The following PIP5K1B variants were observed in gnomAD, a reference collection of about 807,000 sequenced individuals.
PIP5K1B encodes phosphatidylinositol 4-phosphate 5-kinase type-1 beta.
Under a neutral mutation model 67.0 loss-of-function variants are expected in PIP5K1B, and 42 were observed. The ratio of observed to expected loss-of-function variants is 0.63; its 90% CI spans 0.49 to 0.81. PIP5K1B has a LOEUF of 0.81. Among genes scored for constraint, PIP5K1B ranks in the 30% least tolerant of loss-of-function variants. The probability of loss-of-function intolerance (pLI) is 0.00; values close to 1 mark genes in which losing one functional copy is unlikely to be tolerated. For synonymous variants in PIP5K1B, 214 were observed against 231.4 expected (o/e 0.92, Z 0.68); for missense variants, 459 against 646.3 (o/e 0.71, Z 3.14).
intron 14 of PIP5K1B, among the ~76,000 whole-genome samples, chr9:68,990,148 CT>C (rs1380097510): frequency 6.6e-6 from 1 of 152,220 alleles, no homozygotes; most frequent in Non-Finnish European, 1.5e-5. Flanking sequence ...TGTGCTCCAG[CT>C]ATCCTCACAG....
At chr9:68,836,304 A>C (rs1001938043) in intron 4 of PIP5K1B, among the ~76,000 whole-genome samples, 1 of 152,182 alleles carries the variant, frequency 6.6e-6, no homozygotes, top group African/African-American at 2.4e-5. Context: ...GTTCTTTGGA[A>C]TATTTGATTT....
At chr9:68,792,725 C>T (rs1033548894) in intron 2 of PIP5K1B, among the ~76,000 whole-genome samples, 3 of 152,096 alleles carry the variant, frequency 2.0e-5, no homozygotes, top group East Asian at 3.9e-4. Flanking sequence ...GTGATCCGCC[C>T]GCCTCGGCCT....
Position 68,967,250 on chromosome 9 carries a change from A to G in PIP5K1B, c.1503-23890A>G, listed in dbSNP as rs73647052. 7.8e-3 allele frequency among the ~76,000 whole-genome samples: 1,195 copies of G among 152,334 alleles called. 19 individuals carry two copies. Among genetic ancestry groups the G allele is most frequent in the African/African-American group, 0.027 (1,120 of 41,578 alleles). ...TTTTGTGGGGACCTTTATGCAACCT[A>G]ATAAATGATCTCTCATAACAGATTG... On this transcript the variant is annotated intron_variant, in intron 14 of 15. Transcript: ENST00000265382.
rs141932968 is a variant in PIP5K1B at position 68,840,113 on chromosome 9, A to G, written c.69+17430A>G. On this transcript the variant is annotated intron_variant, in intron 4 of 15. Coordinates refer to ENST00000265382, the MANE Select transcript of PIP5K1B (RefSeq NM_003558.4). Reference sequence around the variant, plus strand: ...ATTTCACGGCCCGGCACAGTGGCACATGCCTGTAATCCCAGCACGTTGGGA... The same window carrying G: ...ATTTCACGGCCCGGCACAGTGGCACGTGCCTGTAATCCCAGCACGTTGGGA... 4.0e-3 allele frequency among the ~76,000 whole-genome samples: 613 copies of G among 152,374 alleles called. 1 individual carries two copies. The highest frequency in any genetic ancestry group is 6.6e-3 in the Non-Finnish European group (448 of 68,044).
intron 14 of PIP5K1B, among the ~76,000 whole-genome samples, chr9:68,952,002 C>G (rs1828100014): frequency 6.6e-6 from 1 of 152,296 alleles, no homozygotes; most frequent in African/African-American, 2.4e-5. Context: ...CCGACACATA[C>G]CACGTATGTG....
At chr9:69,004,335 T>TCGTG (rs1554755759) in intron 15 of PIP5K1B, among the ~76,000 whole-genome samples, 4 of 121,010 alleles carry the variant, frequency 3.3e-5, no homozygotes, top group Admixed American at 8.4e-5. Flanking sequence ...GTGTGTGTGT[T>TCGTG]TTTGTGTGTG....
chr9:68,847,413 TTGTGTGTGTGTGTGTGTGTGTGTGTG>T (rs777818994), intron 4 of PIP5K1B, among the ~76,000 whole-genome samples: 4 of 101,616 alleles, frequency 3.9e-5, no homozygotes, highest in African/African-American at 1.5e-4. Flanking sequence ...AGCAGTGGTT[TTGTGTGTGTGTGTGTGTGTGTGTGTG>T]TGTGTGTGTG....
intron 6 of PIP5K1B, among the ~76,000 whole-genome samples, chr9:68,880,587 ACG>A (rs1491171347): frequency 4.7e-4 from 22 of 47,106 alleles, no homozygotes; most frequent in Non-Finnish European, 1.0e-3. Flanking sequence ...ACACACACAC[ACG>A]CATACACACA....
At chr9:68,963,818 T>C (rs1828878939) in intron 14 of PIP5K1B, among the ~76,000 whole-genome samples, 1 of 152,184 alleles carries the variant, frequency 6.6e-6, no homozygotes, top group South Asian at 2.1e-4. Context: ...CAACCGTGGG[T>C]GGTCAGTATT....
At chr9:68,808,386 C>T (rs1225996579) in intron 2 of PIP5K1B, among the ~76,000 whole-genome samples, 5 of 138,720 alleles carry the variant, frequency 3.6e-5, no homozygotes, top group East Asian at 2.1e-4. Context: ...TAACTAATTA[C>T]TCCCCCCGAC....
At chr9:68,779,129 GA>G (rs11398004) in intron 2 of PIP5K1B, among the ~76,000 whole-genome samples, 14 of 144,374 alleles carry the variant, frequency 9.7e-5, no homozygotes, top group Admixed American at 4.1e-4. Flanking sequence ...TAAGTATGCT[GA>G]AAAAAAAAAA....
intron 15 of PIP5K1B, among the ~76,000 whole-genome samples, chr9:69,003,261 G>C (rs1181112844): frequency 6.6e-6 from 1 of 152,078 alleles, no homozygotes; most frequent in Non-Finnish European, 1.5e-5. Context: ...AGAGAATTCA[G>C]AATTGATGAC....
chr9:68,957,982 C>T lies in PIP5K1B; in HGVS notation c.1502+17192C>T, dbSNP rs138913799. Among the ~76,000 whole-genome samples, 613 of 152,166 alleles carry T rather than the reference C, an allele frequency of 4.0e-3. 1 individual carries two copies. Among genetic ancestry groups the T allele is most frequent in the Non-Finnish European group, 6.5e-3 (443 of 67,976 alleles). ...TCTGCCTCCTGGCTCAAGCGATTCT[C>T]CCACCTCAGCCTCCTGAGTAGCTGG... On this transcript the variant is annotated intron_variant, in intron 14 of 15. Coordinates refer to ENST00000265382, the MANE Select transcript of PIP5K1B (RefSeq NM_003558.4).
intron 2 of PIP5K1B, among the ~76,000 whole-genome samples, chr9:68,779,697 AC>A (rs1459253214): frequency 6.6e-6 from 1 of 152,020 alleles, no homozygotes; most frequent in African/African-American, 2.4e-5. Context: ...GCAAAGTTCT[AC>A]ATCGCACCCA....
chr9:68,918,291 T>C (rs576465092), intron 9 of PIP5K1B, among the ~76,000 whole-genome samples: 2 of 152,260 alleles, frequency 1.3e-5, no homozygotes, highest in African/African-American at 2.4e-5. Context: ...AGTTTCACCA[T>C]GTTGCCCAGG....
chr9:68,805,656 G>C (rs1479920816), intron 2 of PIP5K1B, among the ~76,000 whole-genome samples: 1 of 152,150 alleles, frequency 6.6e-6, no homozygotes, highest in African/African-American at 2.4e-5. Flanking sequence ...CTCTTCCTGT[G>C]ACCACCGAGC....
In PIP5K1B at chr9:68,889,151, A is replaced by G. The variant is rs757437549; in HGVS notation, c.471+18A>G. The stretch of plus-strand genomic sequence containing the variant: ...ATTACATGGTAAGGAACTGCACATC[A>G]TTAATGCTTCTACTTGAAGTTTAAT... On this transcript the variant is annotated intron_variant, in intron 7 of 15. Coordinates refer to ENST00000265382, the MANE Select transcript of PIP5K1B (RefSeq NM_003558.4). The G allele has an allele frequency of 7.6e-6, 12 of 1,575,540 alleles. No homozygotes were observed. The highest frequency in any genetic ancestry group is 2.3e-5 in the East Asian group (1 of 44,214).
chr9:68,884,238 A>G (rs985912371), intron 6 of PIP5K1B, among the ~76,000 whole-genome samples: 6 of 152,116 alleles, frequency 3.9e-5, no homozygotes, highest in African/African-American at 1.4e-4. Context: ...AATATTTGCA[A>G]ATAACGCATC....
intron 13 of PIP5K1B, among the ~76,000 whole-genome samples, chr9:68,938,879 A>G (rs1827412327): frequency 6.6e-6 from 1 of 152,084 alleles, no homozygotes; most frequent in Non-Finnish European, 1.5e-5. Context: ...AGCCCCAAAC[A>G]CTTTGTCTCT....
Sources: allele counts gnomAD v4.1 joint callset (sites outside exome capture counted in the v4.1 genomes callset), GRCh38; gene constraint gnomAD v4.1.1; transcripts MANE v1.5; gene names NCBI Gene and HGNC (gene_info 2026-07-23, HGNC 2026-07-21).